The following ST3GAL3 variants were observed in gnomAD, a reference collection of about 807,000 sequenced individuals.
ST3GAL3 encodes the protein ST3 beta-galactoside alpha-2,3-sialyltransferase 3, also known as CMP-N-acetylneuraminate-beta-1,4-galactoside alpha-2,3-sialyltransferase.
ST3GAL3 carries 21 observed loss-of-function variants against 50.1 expected under a neutral mutation model. That is an observed-to-expected ratio of 0.42 (90% confidence interval 0.30 to 0.60). ST3GAL3 has a LOEUF of 0.60. Among genes scored for constraint, ST3GAL3 ranks in the 20% least tolerant of loss-of-function variants. The pLI, the probability that ST3GAL3 is intolerant of heterozygous loss-of-function variation, is 0.19. For missense variants in ST3GAL3, 353 were observed against 489.4 expected (o/e 0.72, Z 2.63); for synonymous variants, 183 against 190.0 (o/e 0.96, Z 0.30).
At chr1:43,822,077 AG>A (rs1247888783) in intron 4 of ST3GAL3, among the ~76,000 whole-genome samples, 5 of 152,246 alleles carry the variant, frequency 3.3e-5, no homozygotes, top group Non-Finnish European at 7.3e-5. Flanking sequence ...GGACAGTCAA[AG>A]TAGAATTCAT....
At chr1:43,754,823 T>A (rs1259809158) in intron 2 of ST3GAL3, among the ~76,000 whole-genome samples, 1 of 151,994 alleles carries the variant, frequency 6.6e-6, no homozygotes, top group African/African-American at 2.4e-5. Context: ...AGTGGTGTGT[T>A]CCTGTAGTAC....
chr1:43,871,680 AGG>A (rs2072842859), intron 5 of ST3GAL3, among the ~76,000 whole-genome samples: 2 of 46,354 alleles, frequency 4.3e-5, no homozygotes, highest in Non-Finnish European at 8.0e-5. Context: ...ATGGGGTGTG[AGG>A]GAGAGGATGG....
intron 9 of ST3GAL3, among the ~76,000 whole-genome samples, chr1:43,911,484 G>A (rs2080826791): frequency 6.7e-6 from 1 of 150,092 alleles, no homozygotes; most frequent in Admixed American, 6.7e-5. Context: ...ATTTTTCAAG[G>A]AAGGATATAT....
chr1:43,756,094 C>A (rs1284903515), intron 2 of ST3GAL3, among the ~76,000 whole-genome samples: 3 of 37,752 alleles, frequency 7.9e-5, no homozygotes, highest in East Asian at 6.9e-4. Flanking sequence ...GAGTGAGAAC[C>A]AGTCTCAAAA....
At chr1:43,757,239 A>G (rs12564694) in intron 2 of ST3GAL3, among the ~76,000 whole-genome samples, 48,681 of 152,032 alleles carry the variant, frequency 0.32, 9,347 homozygotes, top group East Asian at 0.53. Context: ...CATTCTCTCA[A>G]TCAAAATCCC....
At chr1:43,759,223 A>G (rs1473529880) in intron 2 of ST3GAL3, among the ~76,000 whole-genome samples, 1 of 152,096 alleles carries the variant, frequency 6.6e-6, no homozygotes, top group Middle Eastern at 3.2e-3. Context: ...AGGCAGGTGG[A>G]TCAGGAGGTC....
chr1:43,832,386 A>G (rs1189380093), intron 4 of ST3GAL3, among the ~76,000 whole-genome samples: 5 of 152,216 alleles, frequency 3.3e-5, no homozygotes, highest in Non-Finnish European at 5.9e-5. Context: ...CTTTTTTCTT[A>G]AAGTGATAGA....
In ST3GAL3 at chr1:43,910,955, C is replaced by T. The variant is rs899784448; in HGVS notation, c.745-9449C>T. Among the ~76,000 whole-genome samples, 6 of 152,082 alleles carry T rather than the reference C, an allele frequency of 3.9e-5. No individual in the cohort carries two copies. In the East Asian group the frequency reaches 7.7e-4, roughly 20 times the overall value. On this transcript the variant is annotated intron_variant, in intron 9 of 11. Transcript: ENST00000347631. ...CCCCAGGTCCATCTGCCTTGAGAGA[C>T]CACTATCAGGTAATGGAGACCTCAG...
chr1:43,929,662 TGGGAGGCAGGATTTCATCCG>T (rs2154300714), intron 11 of ST3GAL3, among the ~76,000 whole-genome samples: 1 of 152,322 alleles, frequency 6.6e-6, no homozygotes, highest in East Asian at 1.9e-4. Context: ...TCCTCTGATC[TGGGAGGCAGGATTTCATCCG>T]CCGCCCCCAG....
chr1:43,854,363 A>G (rs566817828), intron 5 of ST3GAL3, among the ~76,000 whole-genome samples: 2 of 152,266 alleles, frequency 1.3e-5, no homozygotes, highest in East Asian at 3.9e-4. Flanking sequence ...TTCTCTTTTC[A>G]TGATGTCTCT....
chr1:43,918,245 T>G (rs1002703511), intron 9 of ST3GAL3, among the ~76,000 whole-genome samples: 18 of 151,134 alleles, frequency 1.2e-4, no homozygotes, highest in African/African-American at 4.4e-4. Flanking sequence ...CAGCCTCCGA[T>G]GGCGTGAGAC....
intron 5 of ST3GAL3, among the ~76,000 whole-genome samples, chr1:43,856,213 T>C (rs1325384209): frequency 6.6e-6 from 1 of 152,186 alleles, no homozygotes; most frequent in Non-Finnish European, 1.5e-5. Context: ...AAAAAGGACA[T>C]CTCTTATCAA....
chr1:43,738,201 AAAG>A (rs1165660453), intron 2 of ST3GAL3: 1 of 152,196 alleles, frequency 6.6e-6, no homozygotes, highest in African/African-American at 2.4e-5. Flanking sequence ...AAAGTTATCA[AAAG>A]AAGACAGAGA....
At chr1:43,747,644 C>G (rs1373130365) in intron 2 of ST3GAL3, among the ~76,000 whole-genome samples, 1 of 147,298 alleles carries the variant, frequency 6.8e-6, no homozygotes, top group Non-Finnish European at 1.5e-5. Flanking sequence ...GCAATGGCAC[C>G]ATCTTGGCTC....
chr1:43,764,711 C>CTT (rs1691896893), intron 2 of ST3GAL3, among the ~76,000 whole-genome samples: 1 of 152,250 alleles, frequency 6.6e-6, no homozygotes, highest in South Asian at 2.1e-4. Flanking sequence ...AGAGCTGTGC[C>CTT]TTTACAGCTC....
intron 1 of ST3GAL3, among the ~76,000 whole-genome samples, chr1:43,729,094 T>TTC (rs1553256479): frequency 1.4e-5 from 2 of 148,016 alleles, no homozygotes; most frequent in African/African-American, 2.5e-5. Flanking sequence ...TTTTTCTTTT[T>TTC]TTTTTTTTTT....
At chr1:43,774,056 G>C (rs962935445) in intron 2 of ST3GAL3, among the ~76,000 whole-genome samples, 1 of 151,302 alleles carries the variant, frequency 6.6e-6, no homozygotes, top group Non-Finnish European at 1.5e-5. Flanking sequence ...AGGGTGAGCT[G>C]TTTCTAATTA....
chr1:43,919,406 A>G (rs1367450295), intron 9 of ST3GAL3: 1 of 152,264 alleles, frequency 6.6e-6, no homozygotes, highest in African/African-American at 2.4e-5. Flanking sequence ...TATGCAAATA[A>G]CAGTTCGGTT....
intron 2 of ST3GAL3, among the ~76,000 whole-genome samples, chr1:43,749,051 T>C (rs1685017347): frequency 6.6e-6 from 1 of 152,292 alleles, no homozygotes; most frequent in South Asian, 2.1e-4. Context: ...AAATAGACCA[T>C]GCATATGTAG....
Sources: allele counts gnomAD v4.1 joint callset (sites outside exome capture counted in the v4.1 genomes callset), GRCh38; gene constraint gnomAD v4.1.1; transcripts MANE v1.5; gene names NCBI Gene and HGNC (gene_info 2026-07-23, HGNC 2026-07-21).